Variants in KCNH5 observed in about 807,000 individuals in gnomAD.
The protein encoded by KCNH5 is potassium voltage-gated channel subfamily H member 5.
KCNH5 carries 46 observed loss-of-function variants against 96.1 expected under a neutral mutation model. The observed-to-expected ratio is 0.48, with a 90% confidence interval of 0.38 to 0.61. The LOEUF is 0.61. KCNH5 is among the 20% of genes least tolerant of loss of function. KCNH5 has a pLI of 0.00. For synonymous variants in KCNH5, 439 were observed against 449.8 expected, an observed-to-expected ratio of 0.98 and a Z score of 0.30; for missense variants, 907 against 1,225.8, an observed-to-expected ratio of 0.74 and a Z score of 3.88.
intron 10 of KCNH5, among the ~76,000 whole-genome samples, chr14:62,763,160 C>T (rs188742913): frequency 6.6e-6 from 1 of 152,216 alleles, no homozygotes; most frequent in East Asian, 1.9e-4. Flanking sequence ...CAATTCTCAA[C>T]AAATTCAAAA....
At chr14:62,734,177 C>G (rs953534685) in intron 10 of KCNH5, among the ~76,000 whole-genome samples, 40 of 152,262 alleles carry the variant, frequency 2.6e-4, no homozygotes, top group African/African-American at 9.4e-4. Flanking sequence ...CACCCCCCAA[C>G]ATATCTGCTT....
chr14:63,022,264 G>A (rs756006213), intron 1 of KCNH5, among the ~76,000 whole-genome samples: 3 of 151,830 alleles, frequency 2.0e-5, no homozygotes, highest in Non-Finnish European at 2.9e-5. Flanking sequence ...ATTACCAATC[G>A]CATTACTTTT....
rs765947232 is a variant in KCNH5, at chr14:62,707,768, C to T, written c.2707G>A (p.Glu903Lys). 1.9e-6 allele frequency: 3 copies of T among 1,614,026 alleles called. No homozygotes were observed. The highest frequency in any genetic ancestry group is 1.7e-4 in the Middle Eastern group (1 of 6,056). Residue 903 changes from glutamate to lysine, a missense_variant, in exon 11 of 11, where the codon GAG becomes AAG. Around this residue, in one of 6 missense-constraint regions of KCNH5, gnomAD observed 362 missense variants for 394.4 expected, o/e 0.92. Coordinates refer to ENST00000322893, the MANE Select transcript of KCNH5 (RefSeq NM_139318.5). ...DAKHPFYPIPEQALQTTLQEV... is the reference protein window; with the variant it reads ...DAKHPFYPIPKQALQTTLQEV... ...TGCAGTGTGGTCTGTAAGGCCTGCT[C>T]GGGGATGGGATAAAAGGGGTGCTTG...
chr14:63,040,381 C>T (rs1449382074), intron 1 of KCNH5, among the ~76,000 whole-genome samples: 2 of 152,032 alleles, frequency 1.3e-5, no homozygotes, highest in Non-Finnish European at 2.9e-5. Context: ...TTATATAACA[C>T]AGTGTGGGAA....
intron 9 of KCNH5, among the ~76,000 whole-genome samples, chr14:62,788,325 G>A (rs1345784400): frequency 6.6e-6 from 1 of 152,178 alleles, no homozygotes; most frequent in Non-Finnish European, 1.5e-5. Context: ...AAATGTGGAT[G>A]ACTTGCTGCA....
chr14:62,977,669 A>C (rs555626388), intron 6 of KCNH5, among the ~76,000 whole-genome samples: 1 of 152,294 alleles, frequency 6.6e-6, no homozygotes, highest in African/African-American at 2.4e-5. Flanking sequence ...AAACATTGCC[A>C]ACTGTTCTTT....
At chr14:62,735,124 C>A (rs752511182) in intron 10 of KCNH5, among the ~76,000 whole-genome samples, 4 of 152,118 alleles carry the variant, frequency 2.6e-5, no homozygotes, top group Non-Finnish European at 5.9e-5. Context: ...ATACCTGACA[C>A]CCTATCAGAG....
Position 62,708,336 on chromosome 14 carries a change from G to A in KCNH5, c.2139C>T (p.Phe713=). The A allele has an allele frequency of 6.2e-7, 1 of 1,614,104 alleles. No individual in the cohort carries two copies. The highest frequency in any genetic ancestry group is 2.2e-5 in the East Asian group (1 of 44,854). ...GATTCCGCAGCTCCTTCTGCTGCTT[G>A]AACTTCTGGAAGAGCTTTCTGACTG... ...DHPVRKLFQK[F]KQQKELRNQG... The change falls in exon 11 of 11, where the codon TTC becomes TTT. Residue 713 remains phenylalanine, a synonymous_variant. Coordinates refer to ENST00000322893, the MANE Select transcript of KCNH5 (RefSeq NM_139318.5).
chr14:63,033,440 G>T (rs539112315), intron 1 of KCNH5, among the ~76,000 whole-genome samples: 1 of 152,102 alleles, frequency 6.6e-6, no homozygotes, highest in Non-Finnish European at 1.5e-5. Context: ...TCTCACTGTA[G>T]GTATCAATTT....
chr14:62,863,415 A>C (rs1888074826), intron 7 of KCNH5, among the ~76,000 whole-genome samples: 1 of 152,210 alleles, frequency 6.6e-6, no homozygotes, highest in Non-Finnish European at 1.5e-5. Context: ...ATGAAATCAC[A>C]AGGCTATGGC....
intron 8 of KCNH5, among the ~76,000 whole-genome samples, chr14:62,807,595 A>G (rs1275963677): frequency 6.6e-6 from 1 of 152,134 alleles, no homozygotes; most frequent in Non-Finnish European, 1.5e-5. Context: ...AAAATTGTTA[A>G]ATTTACCTAC....
chr14:62,903,247 A>T (rs1013500761), intron 7 of KCNH5, among the ~76,000 whole-genome samples: 1 of 152,094 alleles, frequency 6.6e-6, no homozygotes, highest in African/African-American at 2.4e-5. Context: ...TTCTCAAACC[A>T]CAACCTTCAC....
chr14:62,785,853 C>T (rs1886310022), intron 9 of KCNH5, among the ~76,000 whole-genome samples: 1 of 152,070 alleles, frequency 6.6e-6, no homozygotes, highest in Non-Finnish European at 1.5e-5. Flanking sequence ...ATGTGAGACA[C>T]ATTATTTGGT....
intron 10 of KCNH5, among the ~76,000 whole-genome samples, chr14:62,715,567 G>A (rs910135958): frequency 6.6e-6 from 1 of 152,162 alleles, no homozygotes; most frequent in Non-Finnish European, 1.5e-5. Context: ...CAGTGATGGG[G>A]CTGTCGCAAA....
rs1421717952 is a variant in KCNH5, at chr14:62,757,349, TA to T, written c.2019+22378del. Among the ~76,000 whole-genome samples the T allele has an allele frequency of 2.6e-5, 4 of 152,146 alleles. No individual in the cohort carries two copies. In the East Asian group the frequency reaches 7.7e-4, roughly 29 times the overall value. ...CCCTTGTATACTGTTGGTCGGAATGTAAATTAGTACAGCACTATGGAGAACA... is the reference window on the plus strand; with the variant it reads ...CCCTTGTATACTGTTGGTCGGAATGTAATTAGTACAGCACTATGGAGAACA... On this transcript the variant is annotated intron_variant, in intron 10 of 10. Coordinates refer to ENST00000322893, the MANE Select transcript of KCNH5 (RefSeq NM_139318.5).
At chr14:62,849,554 T>TA (rs1241334354) in intron 8 of KCNH5, 99 bp downstream of exon 8, 1 of 917,158 alleles carries the variant, frequency 1.1e-6, no homozygotes, top group African/African-American at 1.7e-5. Context: ...GAATAACAGT[T>TA]ACGAAGCAAT....
intron 7 of KCNH5, among the ~76,000 whole-genome samples, chr14:62,861,038 G>T (rs939179708): frequency 6.6e-6 from 1 of 152,102 alleles, no homozygotes; most frequent in African/African-American, 2.4e-5. Context: ...CCTTTTTTGT[G>T]ACATGATTTT....
chr14:62,941,118 G>A (rs1595693296), intron 7 of KCNH5, among the ~76,000 whole-genome samples: 1 of 152,264 alleles, frequency 6.6e-6, no homozygotes, highest in East Asian at 1.9e-4. Context: ...AAATACCAAT[G>A]TATACCAGAA....
chr14:62,716,148 T>C (rs969856373), intron 10 of KCNH5, among the ~76,000 whole-genome samples: 4 of 152,332 alleles, frequency 2.6e-5, no homozygotes, highest in East Asian at 3.9e-4. Context: ...TCAATACCTA[T>C]GTTTTTATTT....
Sources: allele counts gnomAD v4.1 joint callset (sites outside exome capture counted in the v4.1 genomes callset), GRCh38; gene constraint gnomAD v4.1.1; regional missense constraint gnomAD v4.1.1; transcripts MANE v1.5; gene names NCBI Gene and HGNC (gene_info 2026-07-23, HGNC 2026-07-21).